MYO10: variants seen among roughly 807,000 people sequenced by gnomAD.
The protein encoded by MYO10 is myosin X, also known as unconventional myosin-X.
MYO10 carries 133 observed loss-of-function variants against 257.3 expected under a neutral mutation model. The ratio of observed to expected loss-of-function variants is 0.52; its 90% confidence interval spans 0.45 to 0.60. The LOEUF (loss-of-function observed/expected upper bound fraction) is 0.60, where lower values mean the gene tolerates loss of function less well. Ranked by LOEUF, MYO10 falls within the 20% of genes least tolerant of loss-of-function variation. The pLI is 0.00. For missense variants in MYO10, 2,399 were observed against 2,635.7 expected (o/e 0.91, Z 1.97); for synonymous variants, 1,104 against 1,028.6 (o/e 1.07, Z -1.40).
At chr5:16,913,553 G>A (rs1275452934) in intron 1 of MYO10, among the ~76,000 whole-genome samples, 1 of 152,190 alleles carries the variant, frequency 6.6e-6, no homozygotes, top group Non-Finnish European at 1.5e-5. Context: ...CCACTGTGGA[G>A]GTGGCCAGTG....
chr5:16,799,650 G>A (rs1343636613), intron 3 of MYO10, among the ~76,000 whole-genome samples: 1 of 151,882 alleles, frequency 6.6e-6, no homozygotes, highest in Non-Finnish European at 1.5e-5. Context: ...GTGCCCCTAC[G>A]CCCACCTAAT....
intron 19 of MYO10, among the ~76,000 whole-genome samples, chr5:16,744,537 C>T (rs1740127462): frequency 6.6e-6 from 1 of 152,108 alleles, no homozygotes; most frequent in Admixed American, 6.5e-5. Context: ...CAGAGCACCC[C>T]GACACCCTGG....
At chr5:16,668,593 T>G (rs370450782) in intron 39 of MYO10, 125 bp from the exon 40 acceptor site, 2 of 687,004 alleles carry the variant, frequency 2.9e-6, no homozygotes, top group Non-Finnish European at 4.5e-6. Flanking sequence ...TCGATGTGCA[T>G]GCATGCATGG....
rs772571756 is a variant in MYO10, at chr5:16,680,040, G to A, written c.4449C>T (p.Asn1483=). ...TGGCACTGGACCACCGGGTGGCCTC[G>A]TTGAGCAGCTTGGTGTAGAGCCGGT... ...HCYRLYTKLL[N]EATRWSSAIQ... The change falls in exon 33 of 41, where the codon AAC becomes AAT. Residue 1483 remains asparagine (N), a synonymous_variant. Transcript: ENST00000513610. 1.3e-5 allele frequency: 21 copies of A among 1,613,942 alleles called. No homozygotes were observed. Among genetic ancestry groups the A allele is most frequent in the South Asian group, 3.3e-5 (3 of 91,070 alleles).
chr5:16,805,458 CAAAAAAAAAA>C (rs36126574), intron 3 of MYO10, among the ~76,000 whole-genome samples: 2 of 78,346 alleles, frequency 2.6e-5, no homozygotes, highest in African/African-American at 1.0e-4. Flanking sequence ...GACTCCATCT[CAAAAAAAAAA>C]AAAAAAAAAA....
chr5:16,666,843 C>G (rs1736195498), intron 40 of MYO10, 50 bp from the exon 41 acceptor site: 2 of 1,432,632 alleles, frequency 1.4e-6, no homozygotes, highest in Non-Finnish European at 1.9e-6. Flanking sequence ...CTCCCCCAGG[C>G]AAAGGGCCCT....
chr5:16,699,786 CAAA>C (rs1203905060), intron 25 of MYO10: 25 of 53,278 alleles, frequency 4.7e-4, no homozygotes, highest in Middle Eastern at 8.8e-3. Flanking sequence ...GCCTCAGTCT[CAAA>C]AAAAAAAAAA....
chr5:16,860,051 T>C (rs922718309), intron 2 of MYO10, among the ~76,000 whole-genome samples: 6 of 152,234 alleles, frequency 3.9e-5, no homozygotes, highest in Admixed American at 1.3e-4. Context: ...TTCAGGAAGC[T>C]GCTTTATCAG....
intron 4 of MYO10, among the ~76,000 whole-genome samples, chr5:16,791,723 A>G (rs985687277): frequency 6.6e-6 from 1 of 152,210 alleles, no homozygotes. Flanking sequence ...GTGGACACCA[A>G]CTTGATCTGT....
intron 1 of MYO10, among the ~76,000 whole-genome samples, chr5:16,917,594 C>T (rs1381371180): frequency 6.6e-6 from 1 of 151,720 alleles, no homozygotes; most frequent in Non-Finnish European, 1.5e-5. Flanking sequence ...TGGGTCATGC[C>T]TGTATTCCCA....
chr5:16,729,841 T>G (rs1282903727), intron 19 of MYO10, among the ~76,000 whole-genome samples: 2 of 152,062 alleles, frequency 1.3e-5, no homozygotes, highest in African/African-American at 4.8e-5. Context: ...ACTCACTTTC[T>G]CAGCTTCCTG....
intron 19 of MYO10, among the ~76,000 whole-genome samples, chr5:16,727,622 A>G (rs1739421134): frequency 6.6e-6 from 1 of 152,246 alleles, no homozygotes; most frequent in South Asian, 2.1e-4. Flanking sequence ...TTCAAGATCA[A>G]GACAATGATT....
At position 16,701,927 on chromosome 5, in the gene MYO10, C is replaced by T. The variant is rs763088563; in HGVS notation, c.2557-89G>A. 64 of 1,424,418 alleles carry T rather than the reference C, an allele frequency of 4.5e-5. No individual in the cohort carries two copies. Among genetic ancestry groups the T allele is most frequent in the Non-Finnish European group, 5.8e-5 (62 of 1,065,162 alleles). 88.2% of individuals were successfully genotyped at this position (1,424,418 alleles called of 1,614,324 possible). Reference sequence around the variant, plus strand: ...CTTTGCAACCAGGATGAAATATGGTCATTATGAGTTGGACTGTGTCCCCAT... The same window carrying T: ...CTTTGCAACCAGGATGAAATATGGTTATTATGAGTTGGACTGTGTCCCCAT... On this transcript the variant is annotated intron_variant, in intron 24 of 40. Transcript: ENST00000513610. This position sits in a 1 kb window ranked among gnomAD's most constrained non-coding sequence, Gnocchi z 8.1.
intron 19 of MYO10, among the ~76,000 whole-genome samples, chr5:16,712,615 T>C (rs1738672522): frequency 6.6e-6 from 1 of 152,224 alleles, no homozygotes; most frequent in East Asian, 1.9e-4. Context: ...CATAAAGCCG[T>C]GTTATTCTGC....
chr5:16,834,493 A>C lies in MYO10; in HGVS notation c.121-16326T>G, dbSNP rs139686680. 1.4e-3 allele frequency among the ~76,000 whole-genome samples: 211 copies of C among 152,168 alleles called. 4 individuals are homozygous for C. In the Middle Eastern group the frequency reaches 0.017, roughly 12 times the overall value. ...GGGGACCAGGACTTGTCTCACAAAA[A>C]CTTCTGGGTTCTCACTGTCTCATCA... On this transcript the variant is annotated intron_variant, in intron 2 of 40. Transcript: ENST00000513610.
intron 8 of MYO10, 134 bp downstream of exon 8, chr5:16,780,390 G>T: frequency 2.6e-6 from 2 of 782,094 alleles, no homozygotes; most frequent in Admixed American, 3.0e-5. Context: ...CATCTTTTTG[G>T]TGTTCGCATA....
rs902633005 is a variant in MYO10 at position 16,663,879 on chromosome 5, T to C, written c.*2813A>G. On this transcript the variant is annotated 3_prime_UTR_variant, in exon 41 of 41. Transcript: ENST00000513610. ...GCAGGGACTTGAGCATCTGTGAATT[T>C]TGTATCCTCAGGGGTGGGGGGAGGG... 2 of 115,292 alleles carry C rather than the reference T, an allele frequency of 1.7e-5. No homozygotes were observed. Among genetic ancestry groups the C allele is most frequent in the African/African-American group, 3.3e-5 (1 of 30,324 alleles). 7.1% of individuals were successfully genotyped at this position (115,292 alleles called of 1,614,324 possible).
intron 2 of MYO10, among the ~76,000 whole-genome samples, chr5:16,823,391 G>A (rs1264111288): frequency 1.6e-5 from 2 of 126,040 alleles, no homozygotes; most frequent in South Asian, 3.1e-4. Context: ...GTTGTAGTGA[G>A]CCGAGATGGC....
intron 1 of MYO10, among the ~76,000 whole-genome samples, chr5:16,913,280 TCA>T (rs1745724006): frequency 6.6e-6 from 1 of 152,134 alleles, no homozygotes; most frequent in Admixed American, 6.5e-5. Flanking sequence ...TTTTAAAAAA[TCA>T]AATCTTGAGT....
Sources: allele counts gnomAD v4.1 joint callset (sites outside exome capture counted in the v4.1 genomes callset), GRCh38; gene constraint gnomAD v4.1.1; non-coding constraint Gnocchi (gnomAD v3.1); transcripts MANE v1.5; gene names NCBI Gene and HGNC (gene_info 2026-07-23, HGNC 2026-07-21).